MMD2: variants seen among roughly 807,000 people sequenced by gnomAD.
MMD2 encodes the protein monocyte to macrophage differentiation factor 2.
In MMD2, 30 loss-of-function variants were observed where a neutral mutation model predicts 33.5. The ratio of observed to expected loss-of-function variants is 0.90; its 90% CI spans 0.67 to 1.22. The LOEUF (loss-of-function observed/expected upper bound fraction) is 1.22. Ranked by LOEUF, MMD2 falls within the 50% of genes most tolerant of loss-of-function variation. The pLI, the probability that MMD2 is intolerant of heterozygous loss-of-function variation, is 0.00. For synonymous variants in MMD2, 129 were observed against 123.0 expected (o/e 1.05, Z -0.32); for missense variants, 364 against 325.4 (o/e 1.12, Z -0.91).
In MMD2 at chr7:4,906,823, T is replaced by C; in HGVS notation, c.*573A>G. 3.0e-6 allele frequency: 1 copy of C among 328,338 alleles called. No homozygotes were observed. Among genetic ancestry groups the C allele is most frequent in the Non-Finnish European group, 5.5e-6 (1 of 180,586 alleles). 20.3% of individuals were successfully genotyped at this position (328,338 alleles called of 1,614,324 possible). On this transcript the variant is annotated 3_prime_UTR_variant, in exon 7 of 7. Coordinates refer to ENST00000401401, the MANE Select transcript of MMD2 (RefSeq NM_198403.4). ...GTCCCATCATGAGTGCCAAATTGAT[T>C]GGTACTGGCTGCCCAGAACACTGTG...
rs1273173650 is a variant in MMD2, at chr7:4,946,606, G to C, written c.47+12365C>G. ...TAATAGGATGCTGAAAAGGACCTCAGTATCTCTCATCCCAGGGGTTACCTT... is the reference window on the plus strand; with the variant it reads ...TAATAGGATGCTGAAAAGGACCTCACTATCTCTCATCCCAGGGGTTACCTT... On this transcript the variant is annotated intron_variant, in intron 1 of 6. Transcript: ENST00000401401. This position sits in a 1 kb window ranked among gnomAD's most constrained non-coding sequence, Gnocchi z 5.0. 2.0e-5 allele frequency among the ~76,000 whole-genome samples: 3 copies of C among 152,272 alleles called. No individual in the cohort carries two copies. The East Asian group carries it at 5.8e-4, about 29-fold the overall frequency.
chr7:4,939,957 G>C (rs1343319615), intron 1 of MMD2, among the ~76,000 whole-genome samples: 4 of 152,098 alleles, frequency 2.6e-5, no homozygotes, highest in Non-Finnish European at 5.9e-5. Context: ...GGCCAGGCTG[G>C]TCTCGAACTC....
At chr7:4,911,916 G>A (rs945969605) in intron 4 of MMD2, among the ~76,000 whole-genome samples, 3 of 151,906 alleles carry the variant, frequency 2.0e-5, no homozygotes, top group Non-Finnish European at 2.9e-5. Context: ...CCAAGTGCTG[G>A]GATTACAGGC....
downstream of MMD2, among the ~76,000 whole-genome samples, chr7:4,903,686 A>G (rs1784824007): frequency 6.6e-6 from 1 of 152,142 alleles, no homozygotes; most frequent in African/African-American, 2.4e-5. Flanking sequence ...GCCCTCCCAA[A>G]TGTGAGTCTA....
In MMD2 at chr7:4,946,099, G is replaced by T. The variant is rs1000982769; in HGVS notation, c.47+12872C>A. Among the ~76,000 whole-genome samples, 1 of 150,072 alleles carries T rather than the reference G, an allele frequency of 6.7e-6. No homozygotes were observed. Among genetic ancestry groups the T allele is most frequent in the South Asian group, 2.1e-4 (1 of 4,712 alleles). On this transcript the variant is annotated intron_variant, in intron 1 of 6. Coordinates refer to ENST00000401401, the MANE Select transcript of MMD2 (RefSeq NM_198403.4). The surrounding 1 kb of genome is among the most constrained non-coding windows in gnomAD (Gnocchi z 5.0). ...CGCACGCACACGCACGCACACACAC[G>T]CATGCACACGCGCACACGCACGCAC...
the MMD2 span, among the ~76,000 whole-genome samples, chr7:4,897,227 TAAAAAAAAAA>T: frequency 8.5e-6 from 1 of 117,176 alleles, no homozygotes; most frequent in Non-Finnish European, 1.8e-5. Context: ...GTGTTATATT[TAAAAAAAAAA>T]AAAAAAAAAA....
chr7:4,935,677 C>CAAAAAAAA (rs11337982), intron 1 of MMD2, among the ~76,000 whole-genome samples: 1 of 86,308 alleles, frequency 1.2e-5, no homozygotes, highest in Admixed American at 1.4e-4. Flanking sequence ...GACCCTGTCT[C>CAAAAAAAA]AAAAAAAAAA....
intron 1 of MMD2, among the ~76,000 whole-genome samples, chr7:4,953,266 C>G (rs955422299): frequency 6.6e-6 from 1 of 151,740 alleles, no homozygotes; most frequent in Non-Finnish European, 1.5e-5. Context: ...AGGGAATTGT[C>G]TTGGTCAGCA....
At chr7:4,907,657 G>A in intron 6 of MMD2, 58 bp from the exon 7 acceptor site, 1 of 1,558,352 alleles carries the variant, frequency 6.4e-7, no homozygotes. Flanking sequence ...GTGGCTGAAA[G>A]CACCAGCCAG....
chr7:4,930,411 G>T (rs1370217489), intron 1 of MMD2, among the ~76,000 whole-genome samples: 1 of 151,910 alleles, frequency 6.6e-6, no homozygotes, highest in African/African-American at 2.4e-5. Flanking sequence ...AAGCGGAGGT[G>T]GGTGGATCAT....
rs1023154789 is a variant in MMD2, at chr7:4,918,619, G to T, written c.290+1552C>A. ...GTGCCTCAGCCCCCTGAGTAGCTGG[G>T]ATTACAGGTGTGTGCCAGCCCCAGT... On this transcript the variant is annotated intron_variant, in intron 3 of 6. Transcript: ENST00000401401. 2.6e-5 allele frequency among the ~76,000 whole-genome samples: 4 copies of T among 151,724 alleles called. No homozygotes were observed. In the East Asian group the frequency reaches 7.8e-4, roughly 29 times the overall value.
intron 1 of MMD2, among the ~76,000 whole-genome samples, chr7:4,927,142 T>C (rs549229922): frequency 6.6e-6 from 1 of 152,280 alleles, no homozygotes; most frequent in East Asian, 1.9e-4. Context: ...TGTTTGGGGA[T>C]ATTATGGAGA....
At chr7:4,944,577 C>T (rs1785999080) in intron 1 of MMD2, among the ~76,000 whole-genome samples, 1 of 152,076 alleles carries the variant, frequency 6.6e-6, no homozygotes, top group Admixed American at 6.6e-5. Context: ...TTGGAATGGC[C>T]ATTCTCCACC....
chr7:4,901,013 G>A (rs1423280690), downstream of MMD2, among the ~76,000 whole-genome samples: 1 of 151,896 alleles, frequency 6.6e-6, no homozygotes, highest in Non-Finnish European at 1.5e-5. Context: ...GGTGGTGGGC[G>A]CCTGTAATCC....
chr7:4,956,966 G>C (rs1003849918), intron 1 of MMD2, among the ~76,000 whole-genome samples: 4 of 151,770 alleles, frequency 2.6e-5, no homozygotes, highest in Non-Finnish European at 1.5e-5. Context: ...AGGAGTTCAA[G>C]ACCAGCTTGG....
chr7:4,934,896 C>T lies in MMD2; in HGVS notation c.48-9364G>A, dbSNP rs115120126. ...TAGCCAGCAGGTGTCATAAAGAATACGGTTTAAGGCCGAGCGGGGTGGCTC... is the reference window on the plus strand; with the variant it reads ...TAGCCAGCAGGTGTCATAAAGAATATGGTTTAAGGCCGAGCGGGGTGGCTC... On this transcript the variant is annotated intron_variant, in intron 1 of 6. Transcript: ENST00000401401. Among the ~76,000 whole-genome samples, 360 of 152,086 alleles carry T rather than the reference C, an allele frequency of 2.4e-3. 1 individual carries two copies. The highest frequency in any genetic ancestry group is 8.3e-3 in the African/African-American group (344 of 41,522).
chr7:4,951,658 G>A (rs1786247122), intron 1 of MMD2, among the ~76,000 whole-genome samples: 1 of 152,128 alleles, frequency 6.6e-6, no homozygotes, highest in African/African-American at 2.4e-5. Flanking sequence ...GGAATGCAGT[G>A]GCACAATCAT....
intron 1 of MMD2, among the ~76,000 whole-genome samples, chr7:4,938,455 C>T (rs2115135512): frequency 6.6e-6 from 1 of 152,236 alleles, no homozygotes; most frequent in Middle Eastern, 3.4e-3. Context: ...TATGTGCTAA[C>T]TCGAGTCTCT....
At chr7:4,936,308 G>A (rs1342230341) in intron 1 of MMD2, among the ~76,000 whole-genome samples, 1 of 151,938 alleles carries the variant, frequency 6.6e-6, no homozygotes, top group Non-Finnish European at 1.5e-5. Flanking sequence ...TTTCATTAGT[G>A]TAAAACACAC....
Sources: gnomAD v4.1 joint callset for allele counts (sites outside exome capture counted in the v4.1 genomes callset) on GRCh38, gnomAD v4.1.1 for gene constraint, Gnocchi (gnomAD v3.1) non-coding constraint, MANE v1.5 for transcripts, NCBI Gene and HGNC (gene_info 2026-07-23, HGNC 2026-07-21) for gene names.